The following RPS6KC1 variants were observed in gnomAD, a reference collection of about 807,000 sequenced individuals.
RPS6KC1 encodes the protein inactive ribosomal protein S6 kinase delta-1.
Under a neutral mutation model 103.8 loss-of-function variants are expected in RPS6KC1, and 54 were observed. The observed-to-expected ratio is 0.52, with a 90% CI of 0.42 to 0.65. The LOEUF (loss-of-function observed/expected upper bound fraction) is 0.65, where lower values mean the gene tolerates loss of function less well. Ranked by LOEUF, RPS6KC1 falls within the 30% of genes least tolerant of loss-of-function variation. The probability of loss-of-function intolerance (pLI) is 0.00; values close to 1 mark genes in which losing one functional copy is unlikely to be tolerated. For missense variants in RPS6KC1, 1,151 were observed against 1,253.8 expected (o/e 0.92, Z 1.24); for synonymous variants, 439 against 438.7 (o/e 1.00, Z -0.01).
the RPS6KC1 span, among the ~76,000 whole-genome samples, chr1:213,450,551 A>C: frequency 6.6e-6 from 1 of 152,080 alleles, no homozygotes; most frequent in Non-Finnish European, 1.5e-5. Flanking sequence ...AAGCTGACCC[A>C]TCTTGAGAGA....
At chr1:213,438,766 C>CTCT in the RPS6KC1 span, among the ~76,000 whole-genome samples, 1 of 149,808 alleles carries the variant, frequency 6.7e-6, no homozygotes, top group Non-Finnish European at 1.5e-5. Flanking sequence ...TTCTTTGAGG[C>CTCT]TCTTGTTTCT....
chr1:213,596,781 C>T, the RPS6KC1 span, among the ~76,000 whole-genome samples: 1 of 152,252 alleles, frequency 6.6e-6, no homozygotes, highest in African/African-American at 2.4e-5. Context: ...ATTTACTTCT[C>T]AAATCCAGCA....
chr1:213,795,890 T>C, the RPS6KC1 span, among the ~76,000 whole-genome samples: 2 of 152,210 alleles, frequency 1.3e-5, no homozygotes, highest in African/African-American at 4.8e-5. Flanking sequence ...AAACCTGCTC[T>C]GTAATTCACA....
intron 6 of RPS6KC1, among the ~76,000 whole-genome samples, chr1:213,164,498 T>C (rs189824356): frequency 1.8e-4 from 27 of 152,354 alleles, no homozygotes; most frequent in Middle Eastern, 6.8e-3. Flanking sequence ...ACATCTCTTA[T>C]GATACACCAG....
the RPS6KC1 span, among the ~76,000 whole-genome samples, chr1:213,363,683 T>C: frequency 3.6e-3 from 322 of 88,706 alleles, 12 homozygotes; most frequent in East Asian, 0.019. Flanking sequence ...TCTTTCTTTC[T>C]TTCTTTCTTT....
At chr1:213,475,893 C>T in the RPS6KC1 span, among the ~76,000 whole-genome samples, 1 of 152,288 alleles carries the variant, frequency 6.6e-6, no homozygotes, top group South Asian at 2.1e-4. Flanking sequence ...TTGGAGTCTC[C>T]TAAGCCAGTC....
chr1:213,713,623 G>C, the RPS6KC1 span, among the ~76,000 whole-genome samples: 2 of 152,144 alleles, frequency 1.3e-5, no homozygotes, highest in South Asian at 4.1e-4. Flanking sequence ...GTAAATGTAT[G>C]CAAGCCACCC....
the RPS6KC1 span, chr1:213,819,253 G>A: frequency 1.3e-5 from 2 of 152,240 alleles, no homozygotes; most frequent in Non-Finnish European, 2.9e-5. Context: ...AGTCCATTCA[G>A]CTTTCAGGGT....
At chr1:213,824,483 A>G in the RPS6KC1 span, among the ~76,000 whole-genome samples, 2 of 152,190 alleles carry the variant, frequency 1.3e-5, no homozygotes, top group Admixed American at 6.5e-5. Flanking sequence ...CATCGCCTGC[A>G]CTGCTAAGGA....
chr1:213,234,174 T>C (rs893342268), intron 10 of RPS6KC1, among the ~76,000 whole-genome samples: 1 of 152,038 alleles, frequency 6.6e-6, no homozygotes, highest in Non-Finnish European at 1.5e-5. Flanking sequence ...CACATCTGGC[T>C]AAGTTTTAAA....
chr1:213,441,130 C>T, the RPS6KC1 span, among the ~76,000 whole-genome samples: 1 of 152,186 alleles, frequency 6.6e-6, no homozygotes, highest in Non-Finnish European at 1.5e-5. Flanking sequence ...AAATTCAGTG[C>T]TATACTTCAC....
At chr1:213,391,635 A>G in the RPS6KC1 span, among the ~76,000 whole-genome samples, 2 of 152,330 alleles carry the variant, frequency 1.3e-5, no homozygotes, top group South Asian at 2.1e-4. Flanking sequence ...CTGTTCAAAC[A>G]TCTTTGGCTT....
At chr1:213,430,633 C>G in the RPS6KC1 span, among the ~76,000 whole-genome samples, 1 of 152,164 alleles carries the variant, frequency 6.6e-6, no homozygotes, top group East Asian at 1.9e-4. Flanking sequence ...GAAGTCCAGT[C>G]TGTATTTTTT....
chr1:213,279,133 A>G (rs2095118121), downstream of RPS6KC1, among the ~76,000 whole-genome samples: 1 of 152,220 alleles, frequency 6.6e-6, no homozygotes, highest in South Asian at 2.1e-4. Flanking sequence ...GCATTATTGC[A>G]GCCTACAGTT....
intron 6 of RPS6KC1, among the ~76,000 whole-genome samples, chr1:213,157,384 T>C (rs1222933706): frequency 6.6e-6 from 1 of 151,958 alleles, no homozygotes; most frequent in Admixed American, 6.6e-5. Context: ...TTTTTTTATG[T>C]TTTTAGTAGA....
the RPS6KC1 span, among the ~76,000 whole-genome samples, chr1:213,337,000 G>A: frequency 6.6e-6 from 1 of 152,198 alleles, no homozygotes; most frequent in Non-Finnish European, 1.5e-5. Flanking sequence ...TTGAGTGAAG[G>A]CATTATGATT....
the RPS6KC1 span, among the ~76,000 whole-genome samples, chr1:213,788,066 G>A: frequency 6.6e-6 from 1 of 152,176 alleles, no homozygotes; most frequent in Non-Finnish European, 1.5e-5. Context: ...CTATTTACAA[G>A]AGGTTACCAG....
Position 213,098,922 on chromosome 1 carries a change from C to A in RPS6KC1, c.263-5532C>A, listed in dbSNP as rs946041711. ...GAGGTATATAATATTGCACTGTAAACCTCGGGAAAAATTTGTTTTGCATTT... is the reference window on the plus strand; with the variant it reads ...GAGGTATATAATATTGCACTGTAAAACTCGGGAAAAATTTGTTTTGCATTT... On this transcript the variant is annotated intron_variant, in intron 3 of 14. Coordinates refer to ENST00000366960, the MANE Select transcript of RPS6KC1 (RefSeq NM_012424.6). 2.1e-4 allele frequency among the ~76,000 whole-genome samples: 32 copies of A among 152,074 alleles called. 1 individual carries two copies. The highest frequency in any genetic ancestry group is 1.6e-4 in the Non-Finnish European group (11 of 68,014).
the RPS6KC1 span, among the ~76,000 whole-genome samples, chr1:213,802,351 T>G: frequency 6.6e-6 from 1 of 152,232 alleles, no homozygotes; most frequent in Non-Finnish European, 1.5e-5. Context: ...AAAACAGTGC[T>G]AAGAAATCCA....
Sources: gnomAD v4.1 joint callset for allele counts (sites outside exome capture counted in the v4.1 genomes callset) on GRCh38, gnomAD v4.1.1 for gene constraint, MANE v1.5 for transcripts, NCBI Gene and HGNC (gene_info 2026-07-23, HGNC 2026-07-21) for gene names.